Variants in OSBPL10 observed in about 807,000 individuals in gnomAD.
OSBPL10 encodes the protein oxysterol binding protein like 10, also known as oxysterol-binding protein-related protein 10.
In OSBPL10, 49 loss-of-function variants were observed where a neutral mutation model predicts 81.7. The ratio of observed to expected loss-of-function variants is 0.60; its 90% CI spans 0.48 to 0.76. The LOEUF is 0.76. Among genes scored for constraint, OSBPL10 ranks in the 30% least tolerant of loss-of-function variants. The pLI is 0.00. For synonymous variants in OSBPL10, 419 were observed against 383.6 expected, an observed-to-expected ratio of 1.09 and a Z score of -1.08; for missense variants, 923 against 987.8, an observed-to-expected ratio of 0.93 and a Z score of 0.88.
chr3:31,794,023 C>T (rs867936545), intron 4 of OSBPL10, among the ~76,000 whole-genome samples: 5 of 152,202 alleles, frequency 3.3e-5, no homozygotes, highest in Admixed American at 6.5e-5. Flanking sequence ...GGCCCCAGGG[C>T]GCTGGGTTGG....
intron 4 of OSBPL10, among the ~76,000 whole-genome samples, chr3:31,801,199 T>C (rs994372056): frequency 6.6e-6 from 1 of 152,100 alleles, no homozygotes; most frequent in African/African-American, 2.4e-5. Context: ...ACTCTTTCTT[T>C]AGGCAGAAAT....
intron 6 of OSBPL10, among the ~76,000 whole-genome samples, chr3:31,712,931 C>A (rs1008584260): frequency 6.7e-6 from 1 of 148,370 alleles, no homozygotes; most frequent in South Asian, 2.2e-4. Flanking sequence ...TTCTTGCTTA[C>A]GCACTGTTCC....
chr3:31,723,539 T>TACACCC (rs1553618057), intron 6 of OSBPL10, among the ~76,000 whole-genome samples: 24 of 125,088 alleles, frequency 1.9e-4, no homozygotes, highest in African/African-American at 9.1e-4. Context: ...CTCTGTTTCT[T>TACACCC]ACACACACAC....
At chr3:31,664,533 G>A (rs1057123992) in intron 10 of OSBPL10, 13 of 505,014 alleles carry the variant, frequency 2.6e-5, no homozygotes, top group South Asian at 9.8e-5. Flanking sequence ...TACAAACAAC[G>A]GTAGCAGGCA....
At chr3:31,895,431 C>T (rs1427689458) in intron 1 of OSBPL10, among the ~76,000 whole-genome samples, 1 of 152,016 alleles carries the variant, frequency 6.6e-6, no homozygotes, top group East Asian at 1.9e-4. Context: ...GCCACCGCAC[C>T]CAGCCCAGAC....
chr3:31,882,825 G>A (rs780826723), intron 1 of OSBPL10, among the ~76,000 whole-genome samples: 7 of 152,236 alleles, frequency 4.6e-5, no homozygotes, highest in East Asian at 3.9e-4. Context: ...ACTAGGCCAC[G>A]GGGATCAGTA....
chr3:31,795,182 T>C (rs1322496758), intron 4 of OSBPL10: 3 of 129,944 alleles, frequency 2.3e-5, no homozygotes, highest in Non-Finnish European at 4.7e-5. Context: ...TCTCACTCTG[T>C]TGCCCAGGCT....
intron 1 of OSBPL10, among the ~76,000 whole-genome samples, chr3:32,047,385 T>C (rs1699632286): frequency 6.6e-6 from 1 of 152,168 alleles, no homozygotes; most frequent in African/African-American, 2.4e-5. Flanking sequence ...TTCTTGATTA[T>C]ATGCTAAACA....
chr3:31,852,312 G>A (rs767724948), intron 3 of OSBPL10, among the ~76,000 whole-genome samples: 1 of 152,162 alleles, frequency 6.6e-6, no homozygotes. Flanking sequence ...GGGGGTCGGG[G>A]GGAAGGAGGT....
intron 1 of OSBPL10, among the ~76,000 whole-genome samples, chr3:32,050,476 T>C (rs1699661225): frequency 6.6e-6 from 1 of 152,186 alleles, no homozygotes; most frequent in Admixed American, 6.5e-5. Context: ...CTACCTTTGG[T>C]GTTTCTAAAT....
At chr3:32,040,153 T>C (rs899314425) in intron 2 of OSBPL10, among the ~76,000 whole-genome samples, 4 of 152,138 alleles carry the variant, frequency 2.6e-5, no homozygotes, top group African/African-American at 9.7e-5. Context: ...ATGCCTGTAA[T>C]CCCAGTACTT....
intron 4 of OSBPL10, among the ~76,000 whole-genome samples, chr3:31,785,635 C>CAT (rs199998564): frequency 1.1e-4 from 16 of 151,784 alleles, no homozygotes; most frequent in African/African-American, 3.9e-4. Context: ...CTCTCTGAGC[C>CAT]GTTTTTTTTT....
rs558657586 is a variant in OSBPL10 at position 31,803,577 on chromosome 3, T to C, written c.729+26463A>G. On this transcript the variant is annotated intron_variant, in intron 4 of 11. Transcript: ENST00000396556. ...TGCGCAACTTCCCCTAAGGTTAACATCTTACATAAAAGTAGTTATTCAAAT... is the reference window on the plus strand; with the variant it reads ...TGCGCAACTTCCCCTAAGGTTAACACCTTACATAAAAGTAGTTATTCAAAT... 2.6e-5 allele frequency among the ~76,000 whole-genome samples: 4 copies of C among 152,336 alleles called. No individual in the cohort carries two copies. In the East Asian group the frequency reaches 7.7e-4, roughly 29 times the overall value.
chr3:31,838,036 T>C (rs1700402660), intron 3 of OSBPL10, among the ~76,000 whole-genome samples: 1 of 152,120 alleles, frequency 6.6e-6, no homozygotes, highest in South Asian at 2.1e-4. Context: ...AATACGTAAA[T>C]AGAAGAATAA....
intron 3 of OSBPL10, among the ~76,000 whole-genome samples, chr3:31,849,182 C>T (rs1270099073): frequency 6.6e-6 from 1 of 152,166 alleles, no homozygotes; most frequent in Non-Finnish European, 1.5e-5. Context: ...GAATAAAAGG[C>T]CCCCTGACCC....
At chr3:31,898,113 CTTG>C (rs1333948936) in intron 1 of OSBPL10, among the ~76,000 whole-genome samples, 1 of 148,592 alleles carries the variant, frequency 6.7e-6, no homozygotes, top group Non-Finnish European at 1.5e-5. Context: ...CTGGGAAGAT[CTTG>C]TTGACATTTT....
intron 1 of OSBPL10, among the ~76,000 whole-genome samples, chr3:31,972,875 T>C (rs1698603065): frequency 6.6e-6 from 1 of 152,198 alleles, no homozygotes; most frequent in African/African-American, 2.4e-5. Flanking sequence ...TTATTCATGG[T>C]GCAAATGCCT....
At chr3:31,933,468 T>C (rs1009359119) in intron 1 of OSBPL10, among the ~76,000 whole-genome samples, 9 of 151,942 alleles carry the variant, frequency 5.9e-5, no homozygotes, top group African/African-American at 2.2e-4. Context: ...GCAGTGGTGC[T>C]ATCATAGCTC....
chr3:31,923,463 T>C (rs576153344), intron 1 of OSBPL10, among the ~76,000 whole-genome samples: 2 of 152,334 alleles, frequency 1.3e-5, no homozygotes, highest in South Asian at 4.1e-4. Flanking sequence ...AAACTGCCTC[T>C]TTTTCTTCCT....
Sources: allele counts gnomAD v4.1 joint callset (sites outside exome capture counted in the v4.1 genomes callset), GRCh38; gene constraint gnomAD v4.1.1; transcripts MANE v1.5; gene names NCBI Gene and HGNC (gene_info 2026-07-23, HGNC 2026-07-21).